DRC11: variants seen among roughly 807,000 people sequenced by gnomAD.
DRC11 encodes IQ and AAA domain-containing protein 1.
the DRC11 span, among the ~76,000 whole-genome samples, chr2:236,345,183 A>ATGTG: frequency 6.6e-6 from 1 of 151,852 alleles, no homozygotes; most frequent in African/African-American, 2.4e-5. Context: ...CTGGCTGTAA[A>ATGTG]CGCGCTTCCC....
the DRC11 span, among the ~76,000 whole-genome samples, chr2:236,426,928 A>G: frequency 6.6e-6 from 1 of 152,308 alleles, no homozygotes; most frequent in Admixed American, 6.5e-5. The surrounding 1 kb of genome is among the most constrained non-coding windows in gnomAD (Gnocchi z 4.1). Context: ...GGCTTTTCGT[A>G]TATAGTCTTT....
At chr2:236,487,995 T>G in the DRC11 span, 1 of 1,567,386 alleles carries the variant, frequency 6.4e-7, no homozygotes, top group African/African-American at 1.4e-5. Context: ...GCCCTAGGTT[T>G]GCACCTTCTG....
chr2:236,368,014 G>A, the DRC11 span: 1 of 641,406 alleles, frequency 1.6e-6, no homozygotes. Context: ...TGCTCTCCCT[G>A]GTAGTACTTT....
chr2:236,389,702 CTT>C, the DRC11 span, among the ~76,000 whole-genome samples: 3 of 152,122 alleles, frequency 2.0e-5, no homozygotes, highest in Non-Finnish European at 2.9e-5. Context: ...TCATTTTTGT[CTT>C]GAGATATTTT....
At chr2:236,483,372 T>C in the DRC11 span, among the ~76,000 whole-genome samples, 1 of 152,194 alleles carries the variant, frequency 6.6e-6, no homozygotes, top group African/African-American at 2.4e-5. The surrounding 1 kb of genome is among the most constrained non-coding windows in gnomAD (Gnocchi z 4.8). Flanking sequence ...GGGGTTCCAA[T>C]TTCCAAAAAC....
At chr2:236,391,332 C>T in the DRC11 span, 2 of 152,238 alleles carry the variant, frequency 1.3e-5, no homozygotes, top group Admixed American at 6.5e-5. This position sits in a 1 kb window ranked among gnomAD's most constrained non-coding sequence, Gnocchi z 4.5. Flanking sequence ...GAAAGAGTGG[C>T]TCCAGTCATG....
chr2:236,496,274 A>G, the DRC11 span, among the ~76,000 whole-genome samples: 2 of 152,198 alleles, frequency 1.3e-5, no homozygotes, highest in Non-Finnish European at 2.9e-5. The surrounding 1 kb of genome is among the most constrained non-coding windows in gnomAD (Gnocchi z 6.3). Flanking sequence ...ATTCTGATAA[A>G]ATAATAATGT....
chr2:236,325,919 GTC>G, the DRC11 span, among the ~76,000 whole-genome samples: 1 of 152,180 alleles, frequency 6.6e-6, no homozygotes, highest in Non-Finnish European at 1.5e-5. The surrounding 1 kb of genome is among the most constrained non-coding windows in gnomAD (Gnocchi z 4.4). Context: ...GTCTTAAAAT[GTC>G]TCTTTTCTCC....
At chr2:236,486,720 CATTT>C in the DRC11 span, 1 of 759,594 alleles carries the variant, frequency 1.3e-6, no homozygotes, top group Non-Finnish European at 2.2e-6. This position sits in a 1 kb window ranked among gnomAD's most constrained non-coding sequence, Gnocchi z 5.7. Flanking sequence ...TCCATTAAAT[CATTT>C]ATTTTTCTTT....
At chr2:236,399,391 A>G in the DRC11 span, 19 of 1,595,520 alleles carry the variant, frequency 1.2e-5, no homozygotes, top group South Asian at 2.2e-5. The surrounding 1 kb of genome is among the most constrained non-coding windows in gnomAD (Gnocchi z 7.0). Flanking sequence ...CTTGGTGACC[A>G]TGCACGTTCT....
At chr2:236,430,485 T>C in the DRC11 span, among the ~76,000 whole-genome samples, 1 of 152,204 alleles carries the variant, frequency 6.6e-6, no homozygotes, top group Non-Finnish European at 1.5e-5. This position sits in a 1 kb window ranked among gnomAD's most constrained non-coding sequence, Gnocchi z 6.0. Flanking sequence ...TAATAATATA[T>C]CTTGGCCATC....
the DRC11 span, chr2:236,408,105 T>A: frequency 1.6e-6 from 1 of 638,500 alleles, no homozygotes; most frequent in Middle Eastern, 4.7e-4. This position sits in a 1 kb window ranked among gnomAD's most constrained non-coding sequence, Gnocchi z 5.5. Flanking sequence ...CTTCACCATA[T>A]GGGACAAAGC....
chr2:236,395,841 T>A, the DRC11 span, among the ~76,000 whole-genome samples: 1 of 152,190 alleles, frequency 6.6e-6, no homozygotes, highest in Non-Finnish European at 1.5e-5. Flanking sequence ...AACAGCTTTG[T>A]TAGTAACGGG....
At chr2:236,426,135 T>A in the DRC11 span, among the ~76,000 whole-genome samples, 1 of 152,064 alleles carries the variant, frequency 6.6e-6, no homozygotes, top group Non-Finnish European at 1.5e-5. This position sits in a 1 kb window ranked among gnomAD's most constrained non-coding sequence, Gnocchi z 4.1. Flanking sequence ...TGGTTCCATA[T>A]AAATTTTAGA....
chr2:236,331,539 G>C, the DRC11 span: 15 of 1,613,978 alleles, frequency 9.3e-6, no homozygotes, highest in Admixed American at 1.7e-5. This position sits in a 1 kb window ranked among gnomAD's most constrained non-coding sequence, Gnocchi z 4.8. Context: ...CCAGGCAGCT[G>C]ACATTCAAGG....
the DRC11 span, chr2:236,367,463 C>T: frequency 2.6e-5 from 4 of 151,836 alleles, no homozygotes; most frequent in African/African-American, 7.3e-5. This position sits in a 1 kb window ranked among gnomAD's most constrained non-coding sequence, Gnocchi z 4.8. Flanking sequence ...CTACTCCCAT[C>T]TCATTTTAAA....
the DRC11 span, among the ~76,000 whole-genome samples, chr2:236,460,585 T>A: frequency 6.6e-6 from 1 of 152,170 alleles, no homozygotes; most frequent in African/African-American, 2.4e-5. The surrounding 1 kb of genome is among the most constrained non-coding windows in gnomAD (Gnocchi z 4.0). Flanking sequence ...TCATATTTTT[T>A]AATGAGGGTT....
At chr2:236,382,711 A>G in the DRC11 span, among the ~76,000 whole-genome samples, 1 of 152,168 alleles carries the variant, frequency 6.6e-6, no homozygotes, top group African/African-American at 2.4e-5. Context: ...TAAAAATCAC[A>G]TTCCATTTTA....
chr2:236,354,873 T>G, the DRC11 span, among the ~76,000 whole-genome samples: 1 of 152,048 alleles, frequency 6.6e-6, no homozygotes, highest in African/African-American at 2.4e-5. Flanking sequence ...GTATCCCGGG[T>G]CCTGGAGAAG....
Sources: gnomAD v4.1 joint callset for allele counts (sites outside exome capture counted in the v4.1 genomes callset) on GRCh38, gnomAD v4.1.1 for gene constraint, Gnocchi (gnomAD v3.1) non-coding constraint, MANE v1.5 for transcripts, NCBI Gene and HGNC (gene_info 2026-07-23, HGNC 2026-07-21) for gene names.